DENND1B: variants seen among roughly 807,000 people sequenced by gnomAD.
The protein encoded by DENND1B is DENN domain-containing protein 1B.
In DENND1B, 59 loss-of-function variants were observed where a neutral mutation model predicts 90.1. That is an observed-to-expected ratio of 0.65 (90% confidence interval 0.53 to 0.81). DENND1B has a LOEUF of 0.81. Ranked by LOEUF, DENND1B falls within the 40% of genes least tolerant of loss-of-function variation. DENND1B has a pLI of 0.00. For synonymous variants in DENND1B, 337 were observed against 324.6 expected (o/e 1.04, Z -0.41); for missense variants, 862 against 912.6 (o/e 0.94, Z 0.71).
intron 13 of DENND1B, 90 bp from the exon 14 acceptor site, chr1:197,595,423 G>A (rs1279066843): frequency 7.4e-6 from 11 of 1,485,134 alleles, no homozygotes; most frequent in African/African-American, 4.3e-5. Context: ...CACAGTGTCT[G>A]TAGGTCAGCC....
rs76914805 is a variant in DENND1B at position 197,690,992 on chromosome 1, A to C, written c.127-16823T>G. On this transcript the variant is annotated intron_variant, in intron 3 of 22. Transcript: ENST00000620048. ...AAGCTCTTAGAAGAAAACATGGAAA[A>C]ACTTTCATGACATTGGTCTTCGCAA... 8.2e-3 allele frequency among the ~76,000 whole-genome samples: 1,245 copies of C among 152,120 alleles called. 20 individuals carry two copies. The highest frequency in any genetic ancestry group is 0.029 in the African/African-American group (1,197 of 41,538).
intron 8 of DENND1B, among the ~76,000 whole-genome samples, chr1:197,645,972 C>T: frequency 6.6e-6 from 1 of 151,282 alleles, no homozygotes; most frequent in East Asian, 1.9e-4. Context: ...ATATTTGACC[C>T]TAAAATTAAA....
At position 197,508,565 on chromosome 1, in the gene DENND1B, T is replaced by C. The variant is rs890727381; in HGVS notation, c.*1895A>G. 9 of 151,736 alleles carry C rather than the reference T, an allele frequency of 5.9e-5. No homozygotes were observed. Among genetic ancestry groups the C allele is most frequent in the African/African-American group, 1.7e-4 (7 of 41,386 alleles). The allele number at this position is 151,736 out of a possible 1,614,324, so 9.4% of individuals were successfully genotyped here. On this transcript the variant is annotated 3_prime_UTR_variant, in exon 23 of 23. Transcript: ENST00000620048. Reference sequence around the variant, plus strand: ...ACATATCCATTTAGATTTTGAAACGTAGGTTTTAAAAAAACTTGGTCATTT... The same window carrying C: ...ACATATCCATTTAGATTTTGAAACGCAGGTTTTAAAAAAACTTGGTCATTT...
rs547549469 is a variant in DENND1B, at chr1:197,731,794, G to T, written c.83-16720C>A. Among the ~76,000 whole-genome samples, 16 of 152,276 alleles carry T rather than the reference G, an allele frequency of 1.1e-4. No homozygotes were observed. The South Asian group carries it at 3.1e-3, about 30-fold the overall frequency. On this transcript the variant is annotated intron_variant, in intron 2 of 22. Coordinates refer to ENST00000620048, the MANE Select transcript of DENND1B (RefSeq NM_001195215.2). Reference sequence around the variant, plus strand: ...AAGCTGTCCTGGCCACATGCAGCCTGCAGGCCATAGGTTGGACAAGCTTGC... The same window carrying T: ...AAGCTGTCCTGGCCACATGCAGCCTTCAGGCCATAGGTTGGACAAGCTTGC...
chr1:197,684,057 T>G (rs1026594800), intron 3 of DENND1B, among the ~76,000 whole-genome samples: 1 of 152,190 alleles, frequency 6.6e-6, no homozygotes, highest in African/African-American at 2.4e-5. Context: ...CGACACCACT[T>G]TAGCACCATC....
chr1:197,663,921 A>G (rs1198617653), intron 5 of DENND1B, among the ~76,000 whole-genome samples: 6 of 152,056 alleles, frequency 3.9e-5, no homozygotes, highest in Non-Finnish European at 7.4e-5. Context: ...AGTAATTCCA[A>G]TTTTAACTAT....
At chr1:197,654,597 G>A (rs913606413) in intron 6 of DENND1B, among the ~76,000 whole-genome samples, 7 of 150,986 alleles carry the variant, frequency 4.6e-5, no homozygotes, top group Admixed American at 6.6e-5. Context: ...GCGACAGAGC[G>A]TGACTCCGTC....
rs1430069305 is a variant in DENND1B at position 197,505,749 on chromosome 1, C to T, written c.*4711G>A. ...CACAGTCAAAAAGTATTGGCAATGCCCTTTATAAATCTTATCAAAGATTCA... is the reference window on the plus strand; with the variant it reads ...CACAGTCAAAAAGTATTGGCAATGCTCTTTATAAATCTTATCAAAGATTCA... On this transcript the variant is annotated 3_prime_UTR_variant, in exon 23 of 23. Coordinates refer to ENST00000620048, the MANE Select transcript of DENND1B (RefSeq NM_001195215.2). 1 of 151,474 alleles carries T rather than the reference C, an allele frequency of 6.6e-6. No individual in the cohort carries two copies. Among genetic ancestry groups the T allele is most frequent in the East Asian group, 1.9e-4 (1 of 5,150 alleles). 9.4% of individuals were successfully genotyped at this position (151,474 alleles called of 1,614,324 possible). A position where few individuals can be genotyped will look rare whatever the true frequency, so the allele number is the denominator to read the frequency against.
rs141526364 is a variant in DENND1B, at chr1:197,632,719, A to AT, written c.672+9991dup. ...TTCTTTCCTTCTCAGGTGGTTAACT[A>AT]TTTTTAACTCCTTCCTATTTAACAG... On this transcript the variant is annotated intron_variant, in intron 10 of 22. Transcript: ENST00000620048. Among the ~76,000 whole-genome samples, 919 of 152,306 alleles carry AT rather than the reference A, an allele frequency of 6.0e-3. 11 individuals carry two copies. Among genetic ancestry groups the AT allele is most frequent in the African/African-American group, 0.021 (890 of 41,566 alleles).
In DENND1B at chr1:197,583,663, G is replaced by A. The variant is rs138630332; in HGVS notation, c.1048-410C>T. On this transcript the variant is annotated intron_variant, in intron 14 of 22. Transcript: ENST00000620048. The stretch of plus-strand genomic sequence containing the variant: ...TTTGACATTCGCACTTAGTTGTTAT[G>A]ATCATTAATTTGTTTTTTAATTAAT... Among the ~76,000 whole-genome samples the A allele has an allele frequency of 2.8e-3, 425 of 152,188 alleles. 1 individual carries two copies. Among genetic ancestry groups the A allele is most frequent in the African/African-American group, 9.9e-3 (410 of 41,518 alleles).
intron 16 of DENND1B, 156 bp downstream of exon 16, chr1:197,552,866 C>T (rs1671355911): frequency 7.1e-7 from 1 of 1,404,178 alleles, no homozygotes; most frequent in Non-Finnish European, 9.2e-7. Context: ...TAAGCTAATT[C>T]CATAGCTTTT....
chr1:197,713,801 T>TTATATATAATATATTATA (rs1660242507), intron 3 of DENND1B, among the ~76,000 whole-genome samples: 3 of 32,602 alleles, frequency 9.2e-5, no homozygotes, highest in Non-Finnish European at 1.7e-4. Context: ...TATTATTATA[T>TTATATATAATATATTATA]TATAATATAT....
chr1:197,774,170 C>A (rs2102525148), intron 1 of DENND1B, among the ~76,000 whole-genome samples: 1 of 152,314 alleles, frequency 6.6e-6, no homozygotes, highest in South Asian at 2.1e-4. Context: ...CCCTGCCCAC[C>A]ATGATGTCAA....
intron 8 of DENND1B, among the ~76,000 whole-genome samples, chr1:197,646,050 T>A (rs1680704820): frequency 6.6e-6 from 1 of 151,868 alleles, no homozygotes; most frequent in African/African-American, 2.4e-5. Context: ...TTTGTACATA[T>A]ATACATATAC....
chr1:197,544,705 T>TGAAGAG (rs138522538), intron 18 of DENND1B, among the ~76,000 whole-genome samples: 2 of 127,144 alleles, frequency 1.6e-5, no homozygotes, highest in Non-Finnish European at 3.2e-5. Flanking sequence ...AAGATGAAGA[T>TGAAGAG]GAAGAGGAAG....
At chr1:197,540,514 A>C (rs527715168) in intron 19 of DENND1B, among the ~76,000 whole-genome samples, 1 of 152,280 alleles carries the variant, frequency 6.6e-6, no homozygotes, top group Non-Finnish European at 1.5e-5. Flanking sequence ...TTCATAACTT[A>C]AATACATACA....
At chr1:197,524,050 T>C (rs1162402671) in intron 20 of DENND1B, among the ~76,000 whole-genome samples, 1 of 151,940 alleles carries the variant, frequency 6.6e-6, no homozygotes, top group Non-Finnish European at 1.5e-5. Flanking sequence ...GATTCTGTGC[T>C]CTTTAAGACA....
At chr1:197,694,930 C>G (rs183633258) in intron 3 of DENND1B, among the ~76,000 whole-genome samples, 3 of 151,194 alleles carry the variant, frequency 2.0e-5, no homozygotes, top group African/African-American at 7.2e-5. Flanking sequence ...CTAAAATGTA[C>G]GCAAAAATAT....
chr1:197,626,546 T>C (rs1419700889), intron 10 of DENND1B, among the ~76,000 whole-genome samples: 5 of 152,182 alleles, frequency 3.3e-5, no homozygotes, highest in Admixed American at 2.0e-4. Flanking sequence ...GGGAAATTTA[T>C]AGCACTAAAT....
Sources: gnomAD v4.1 joint callset for allele counts (sites outside exome capture counted in the v4.1 genomes callset) on GRCh38, gnomAD v4.1.1 for gene constraint, MANE v1.5 for transcripts, NCBI Gene and HGNC (gene_info 2026-07-23, HGNC 2026-07-21) for gene names.